The following IL1RAPL1 variants were observed in gnomAD, a reference collection of about 807,000 sequenced individuals.
IL1RAPL1 encodes interleukin-1 receptor accessory protein-like 1.
In IL1RAPL1, 3 loss-of-function variants were observed where a neutral mutation model predicts 48.4. The observed-to-expected ratio is 0.06, with a 90% CI of 0.03 to 0.16. The LOEUF (loss-of-function observed/expected upper bound fraction) is 0.16, where lower values mean the gene tolerates loss of function less well. Ranked by LOEUF, IL1RAPL1 falls within the 10% of genes least tolerant of loss-of-function variation. The probability of loss-of-function intolerance (pLI) is 1.00; values close to 1 mark genes in which losing one functional copy is unlikely to be tolerated. For missense variants in IL1RAPL1, 349 were observed against 530.6 expected (o/e 0.66, Z 3.36); for synonymous variants, 185 against 187.7 (o/e 0.99, Z 0.12).
intron 1 of IL1RAPL1, among the ~76,000 whole-genome samples, chrX:28,747,611 G>A (rs186744400): frequency 3.6e-5 from 4 of 112,021 alleles, no homozygotes; most frequent in Non-Finnish European, 1.9e-5. Context: ...ACTGCATCCC[G>A]GCCTGGGCGA....
At chrX:29,317,146 C>T (rs1932773518) in intron 3 of IL1RAPL1, among the ~76,000 whole-genome samples, 1 of 111,612 alleles carries the variant, frequency 9.0e-6, no homozygotes, top group Non-Finnish European at 1.9e-5. Context: ...CTTCAGTTCT[C>T]CCCAAATATT....
intron 2 of IL1RAPL1, among the ~76,000 whole-genome samples, chrX:28,957,014 T>C (rs1396451610): frequency 2.7e-5 from 3 of 111,075 alleles, no homozygotes; most frequent in Non-Finnish European, 5.7e-5. Flanking sequence ...TCGAGGAATG[T>C]ATCCATTTCT....
chrX:29,025,987 A>G (rs1202290123), intron 2 of IL1RAPL1, among the ~76,000 whole-genome samples: 1 of 111,862 alleles, frequency 8.9e-6, no homozygotes, highest in Non-Finnish European at 1.9e-5. Flanking sequence ...GCTCTACTAA[A>G]GGTGATAAAT....
At chrX:29,188,520 A>T (rs1360493899) in intron 2 of IL1RAPL1, among the ~76,000 whole-genome samples, 1 of 111,369 alleles carries the variant, frequency 9.0e-6, no homozygotes, top group African/African-American at 3.3e-5. Flanking sequence ...CAGCAAAATT[A>T]AATATTTTTT....
At chrX:29,184,618 G>T (rs748299381) in intron 2 of IL1RAPL1, among the ~76,000 whole-genome samples, 1 of 110,509 alleles carries the variant, frequency 9.0e-6, no homozygotes, top group Non-Finnish European at 1.9e-5. Flanking sequence ...CTCCTGCCTC[G>T]GACTCCTGAG....
At chrX:29,479,944 A>G (rs1189163293) in intron 5 of IL1RAPL1, among the ~76,000 whole-genome samples, 4 of 110,420 alleles carry the variant, frequency 3.6e-5, no homozygotes, top group African/African-American at 1.3e-4. Context: ...TTGGTTCTAT[A>G]TCTTTGCAAT....
At chrX:28,815,792 T>C (rs921491237) in intron 2 of IL1RAPL1, among the ~76,000 whole-genome samples, 110 of 92,573 alleles carry the variant, frequency 1.2e-3, no homozygotes, top group African/African-American at 4.0e-3. Flanking sequence ...GATTTCATTC[T>C]TTTTTATGGC....
intron 6 of IL1RAPL1, among the ~76,000 whole-genome samples, chrX:29,700,505 T>G (rs1445509782): frequency 8.9e-6 from 1 of 111,959 alleles, no homozygotes; most frequent in Admixed American, 9.5e-5. Context: ...ATGTGAAAAA[T>G]GAAGGTGTCA....
In IL1RAPL1 at chrX:29,884,533, A is replaced by G. The variant is rs762607691; in HGVS notation, c.779-32931A>G. Among the ~76,000 whole-genome samples the G allele has an allele frequency of 3.6e-5, 4 of 110,749 alleles. No individual in the cohort carries two copies. In the South Asian group the frequency reaches 1.2e-3, roughly 32 times the overall value. On this transcript the variant is annotated intron_variant, in intron 6 of 10. Coordinates refer to ENST00000378993, the MANE Select transcript of IL1RAPL1 (RefSeq NM_014271.4). Reference sequence around the variant, plus strand: ...TAATATTGCAGTGCCCCAGGGCTTAATCCTTGGTCATCTTCTCTACTCTCC... The same window carrying G: ...TAATATTGCAGTGCCCCAGGGCTTAGTCCTTGGTCATCTTCTCTACTCTCC...
intron 8 of IL1RAPL1, 112 bp downstream of exon 8, chrX:29,920,206 A>C: frequency 2.1e-6 from 2 of 961,009 alleles, no homozygotes; most frequent in Non-Finnish European, 2.9e-6. Context: ...AGTTCTCCTA[A>C]ATAAAATAAT....
Position 29,775,435 on chromosome X carries a change from T to C in IL1RAPL1, c.778+106931T>C, listed in dbSNP as rs1201843939. ...TAGATCATATGCTATTGCTCATCCT[T>C]TTGTGGAAGAAACCCATCAGGTATC... On this transcript the variant is annotated intron_variant, in intron 6 of 10. Transcript: ENST00000378993. Among the ~76,000 whole-genome samples, 9 of 111,624 alleles carry C rather than the reference T, an allele frequency of 8.1e-5. No homozygotes were observed. The Admixed American group carries it at 8.6e-4, about 11-fold the overall frequency.
chrX:29,578,178 C>A (rs950769673), intron 5 of IL1RAPL1, among the ~76,000 whole-genome samples: 9 of 111,845 alleles, frequency 8.0e-5, no homozygotes, highest in Admixed American at 1.9e-4. Context: ...AACTGGAGAG[C>A]AAAGACAGTG....
chrX:29,887,718 C>G (rs898276689), intron 6 of IL1RAPL1, among the ~76,000 whole-genome samples: 5 of 110,593 alleles, frequency 4.5e-5, no homozygotes, highest in African/African-American at 1.6e-4. Flanking sequence ...CATACACACG[C>G]TAAAACAATG....
At chrX:29,094,865 A>C (rs1173992846) in intron 2 of IL1RAPL1, among the ~76,000 whole-genome samples, 1 of 97,761 alleles carries the variant, frequency 1.0e-5, no homozygotes, top group Non-Finnish European at 2.0e-5. Context: ...GAAAACAACT[A>C]CTGATCTCAC....
intron 2 of IL1RAPL1, among the ~76,000 whole-genome samples, chrX:29,147,086 A>G (rs1433776058): frequency 8.9e-6 from 1 of 112,677 alleles, no homozygotes; most frequent in East Asian, 2.8e-4. Context: ...AAGTCTTAAT[A>G]TGCTTATTCA....
intron 1 of IL1RAPL1, among the ~76,000 whole-genome samples, chrX:28,746,674 G>A (rs1195527014): frequency 9.0e-6 from 1 of 111,702 alleles, no homozygotes; most frequent in African/African-American, 3.2e-5. Flanking sequence ...TATGCCTTAT[G>A]AAGACCTGCA....
At chrX:28,722,542 G>A (rs1208747073) in intron 1 of IL1RAPL1, among the ~76,000 whole-genome samples, 1 of 111,405 alleles carries the variant, frequency 9.0e-6, no homozygotes, top group African/African-American at 3.3e-5. Flanking sequence ...TGCAAACAGG[G>A]ACAATTTGAC....
chrX:29,928,352 A>AAGAT (rs1043525673), intron 8 of IL1RAPL1, among the ~76,000 whole-genome samples: 3 of 111,846 alleles, frequency 2.7e-5, no homozygotes, highest in Non-Finnish European at 5.6e-5. Context: ...GATTCCAAAC[A>AAGAT]AGATAGTATA....
chrX:29,332,076 G>GAA (rs1932889550), intron 3 of IL1RAPL1, among the ~76,000 whole-genome samples: 1 of 60,007 alleles, frequency 1.7e-5, no homozygotes, highest in Admixed American at 1.9e-4. Context: ...AATTATTTTT[G>GAA]AAAATACTAT....
Sources: allele counts gnomAD v4.1 joint callset (sites outside exome capture counted in the v4.1 genomes callset), GRCh38; gene constraint gnomAD v4.1.1; transcripts MANE v1.5; gene names NCBI Gene and HGNC (gene_info 2026-07-23, HGNC 2026-07-21).